Variants in SUGCT observed in about 807,000 individuals in gnomAD.
SUGCT encodes the protein succinyl-CoA:glutarate-CoA transferase.
SUGCT carries 41 observed loss-of-function variants against 55.0 expected under a neutral mutation model. The ratio of observed to expected loss-of-function variants is 0.74; its 90% confidence interval spans 0.58 to 0.97. The LOEUF (loss-of-function observed/expected upper bound fraction) is 0.97, where lower values mean the gene tolerates loss of function less well. SUGCT is among the 50% of genes least tolerant of loss of function. SUGCT has a pLI of 0.00. For synonymous variants in SUGCT, 187 were observed against 200.4 expected (o/e 0.93, Z 0.56); for missense variants, 568 against 547.8 (o/e 1.04, Z -0.37).
At chr7:40,230,248 T>C (rs1788640423) in intron 6 of SUGCT, among the ~76,000 whole-genome samples, 1 of 152,124 alleles carries the variant, frequency 6.6e-6, no homozygotes, top group Admixed American at 6.6e-5. Flanking sequence ...AAATGGCATG[T>C]ATAGAGGCCC....
At chr7:40,190,403 G>C (rs1422695013) in intron 5 of SUGCT, among the ~76,000 whole-genome samples, 1 of 152,014 alleles carries the variant, frequency 6.6e-6, no homozygotes, top group African/African-American at 2.4e-5. Flanking sequence ...GTGTGCACTA[G>C]CACACCTGGC....
intron 12 of SUGCT, among the ~76,000 whole-genome samples, chr7:40,567,391 AG>A (rs1472805865): frequency 6.6e-6 from 1 of 152,234 alleles, no homozygotes; most frequent in African/African-American, 2.4e-5. Flanking sequence ...TTTACTCAGT[AG>A]GGATAATCAT....
At chr7:40,396,930 C>T (rs753519801) in intron 9 of SUGCT, among the ~76,000 whole-genome samples, 1 of 151,978 alleles carries the variant, frequency 6.6e-6, no homozygotes, top group Non-Finnish European at 1.5e-5. Context: ...GGGAATGACC[C>T]CCTTCTGAAT....
Position 40,466,293 on chromosome 7 carries a change from C to T in SUGCT, c.986+7095C>T, listed in dbSNP as rs542041908. 7.9e-5 allele frequency among the ~76,000 whole-genome samples: 12 copies of T among 152,308 alleles called. 1 individual carries two copies. In the South Asian group the frequency reaches 2.5e-3, roughly 32 times the overall value. On this transcript the variant is annotated intron_variant, in intron 11 of 13. Coordinates refer to ENST00000335693, the MANE Select transcript of SUGCT (RefSeq NM_001193313.2). ...TCAGCCTTGCCTGGGTCACACAGAA[C>T]CCAGTGCTACTACTTTTAATGTGGC...
At chr7:40,702,375 G>C (rs1398326769) in intron 12 of SUGCT, among the ~76,000 whole-genome samples, 2 of 152,180 alleles carry the variant, frequency 1.3e-5, no homozygotes, top group African/African-American at 4.8e-5. Flanking sequence ...GGAAATAATA[G>C]AGTGAAAAAT....
At chr7:40,902,818 C>A in the SUGCT span, among the ~76,000 whole-genome samples, 1 of 152,040 alleles carries the variant, frequency 6.6e-6, no homozygotes, top group African/African-American at 2.4e-5. Flanking sequence ...TCTGCTCTGG[C>A]CTCGTCTTTC....
At chr7:40,882,993 CCTT>C in the SUGCT span, among the ~76,000 whole-genome samples, 2 of 152,324 alleles carry the variant, frequency 1.3e-5, no homozygotes, top group South Asian at 4.1e-4. Context: ...GCTTTCTCCT[CCTT>C]CTTCCTAGGA....
intron 7 of SUGCT, among the ~76,000 whole-genome samples, chr7:40,245,926 C>G (rs185024218): frequency 3.3e-4 from 50 of 152,042 alleles, no homozygotes; most frequent in Non-Finnish European, 5.7e-4. Context: ...TCACTGCAGT[C>G]TGGGCTGAAT....
At chr7:40,426,328 G>T (rs377001783) in intron 9 of SUGCT, among the ~76,000 whole-genome samples, 1 of 152,086 alleles carries the variant, frequency 6.6e-6, no homozygotes, top group African/African-American at 2.4e-5. Flanking sequence ...TGGTATATGC[G>T]TGTCAGCTGG....
At chr7:40,427,307 C>G (rs1463696638) in intron 9 of SUGCT, among the ~76,000 whole-genome samples, 1 of 151,968 alleles carries the variant, frequency 6.6e-6, no homozygotes, top group Non-Finnish European at 1.5e-5. Context: ...ATAAGATGGT[C>G]GTTATTTATA....
chr7:40,258,053 A>G (rs1790935006), intron 7 of SUGCT, among the ~76,000 whole-genome samples: 1 of 152,142 alleles, frequency 6.6e-6, no homozygotes. Context: ...CTTGACATCT[A>G]GTCATGGTTC....
At chr7:40,174,052 T>G (rs1369042085) in intron 1 of SUGCT, among the ~76,000 whole-genome samples, 2 of 151,842 alleles carry the variant, frequency 1.3e-5, no homozygotes, top group East Asian at 3.9e-4. Flanking sequence ...AGATGGAGTC[T>G]CACTCTGTCC....
chr7:40,370,887 T>C (rs1206399555), intron 9 of SUGCT, among the ~76,000 whole-genome samples: 1 of 152,108 alleles, frequency 6.6e-6, no homozygotes, highest in Non-Finnish European at 1.5e-5. Context: ...ATAGGCTTAG[T>C]GTTCATTTAT....
At chr7:40,874,210 T>A in the SUGCT span, among the ~76,000 whole-genome samples, 1 of 152,212 alleles carries the variant, frequency 6.6e-6, no homozygotes, top group Admixed American at 6.5e-5. Flanking sequence ...GTAGACACTA[T>A]GATGATGTTG....
intron 13 of SUGCT, among the ~76,000 whole-genome samples, chr7:40,832,097 G>T (rs1792700497): frequency 6.6e-6 from 1 of 152,142 alleles, no homozygotes; most frequent in Admixed American, 6.5e-5. Context: ...TTCACAAGGG[G>T]CCGTGCATGC....
chr7:40,483,019 A>G (rs1047865876), intron 11 of SUGCT, among the ~76,000 whole-genome samples: 6 of 152,216 alleles, frequency 3.9e-5, no homozygotes, highest in African/African-American at 1.4e-4. Context: ...ACCATAATTT[A>G]TCAGTAATAT....
At chr7:41,008,262 ATG>A in the SUGCT span, among the ~76,000 whole-genome samples, 1 of 152,104 alleles carries the variant, frequency 6.6e-6, no homozygotes, top group Non-Finnish European at 1.5e-5. Flanking sequence ...CAAGTGCTGT[ATG>A]TGTTTTTAAG....
At chr7:40,510,771 T>A (rs1351634965) in intron 12 of SUGCT, among the ~76,000 whole-genome samples, 1 of 152,068 alleles carries the variant, frequency 6.6e-6, no homozygotes, top group Non-Finnish European at 1.5e-5. Context: ...AATGGTTGAA[T>A]AAATAAATAA....
intron 13 of SUGCT, among the ~76,000 whole-genome samples, chr7:40,791,948 C>G (rs1282956604): frequency 6.6e-6 from 1 of 152,130 alleles, no homozygotes; most frequent in African/African-American, 2.4e-5. Flanking sequence ...TCTAGCCCCT[C>G]TTTCTTCTGG....
Sources: gnomAD v4.1 joint callset for allele counts (sites outside exome capture counted in the v4.1 genomes callset) on GRCh38, gnomAD v4.1.1 for gene constraint, MANE v1.5 for transcripts, NCBI Gene and HGNC (gene_info 2026-07-23, HGNC 2026-07-21) for gene names.